Variants in DIP2B observed in about 807,000 individuals in gnomAD.
The protein encoded by DIP2B is DIP2 acetate--CoA ligase B (putative), also known as disco-interacting protein 2 homolog B.
DIP2B carries 76 observed loss-of-function variants against 198.0 expected under a neutral mutation model. The observed-to-expected ratio is 0.38, with a 90% CI of 0.32 to 0.46. The LOEUF (loss-of-function observed/expected upper bound fraction) is 0.46. DIP2B is among the 20% of genes least tolerant of loss of function. The pLI is 0.99. For synonymous variants in DIP2B, 701 were observed against 739.1 expected (o/e 0.95, Z 0.84); for missense variants, 1,559 against 1,978.4 (o/e 0.79, Z 4.02).
At chr12:50,669,832 G>A (rs1938818576) in intron 4 of DIP2B, among the ~76,000 whole-genome samples, 1 of 152,122 alleles carries the variant, frequency 6.6e-6, no homozygotes, top group Admixed American at 6.6e-5. Context: ...CAGTTTTCCA[G>A]CCCCATTGGT....
chr12:50,708,608 C>A, intron 22 of DIP2B, 46 bp downstream of exon 22: 1 of 1,458,870 alleles, frequency 6.9e-7, no homozygotes, highest in Non-Finnish European at 9.4e-7. Context: ...TGGCAGCAAC[C>A]ACTGCCTAAG....
intron 1 of DIP2B, among the ~76,000 whole-genome samples, chr12:50,511,289 C>CTTTTTTTTTTTT (rs1316212138): frequency 5.2e-3 from 109 of 20,850 alleles, no homozygotes; most frequent in Non-Finnish European, 8.3e-3. Context: ...AGTGTGATTT[C>CTTTTTTTTTTTT]TATTTTTTTT....
intron 1 of DIP2B, among the ~76,000 whole-genome samples, chr12:50,577,732 CTT>C (rs1393747312): frequency 2.0e-5 from 3 of 151,530 alleles, no homozygotes; most frequent in Non-Finnish European, 4.4e-5. Context: ...TTATAAATGT[CTT>C]TTCATTAATC....
rs983184301 is a variant in DIP2B, at chr12:50,675,259, T to C, written c.797-70T>C. The C allele has an allele frequency of 1.9e-5, 29 of 1,565,566 alleles. No individual in the cohort carries two copies. In the African/African-American group the frequency reaches 4.0e-4, roughly 21 times the overall value. ...AAACATCCTTAGAAATAAAAGCTCC[T>C]GAGGGAACTGAGGAACTAAAATATC... On this transcript the variant is annotated intron_variant, in intron 6 of 37. Coordinates refer to ENST00000301180, the MANE Select transcript of DIP2B (RefSeq NM_173602.3).
At chr12:50,597,180 C>A (rs536089234) in intron 1 of DIP2B, among the ~76,000 whole-genome samples, 1 of 152,290 alleles carries the variant, frequency 6.6e-6, no homozygotes, top group South Asian at 2.1e-4. Flanking sequence ...TCTTAGAGAA[C>A]TTTCCATGTC....
chr12:50,658,277 C>A (rs1270671529), intron 3 of DIP2B, among the ~76,000 whole-genome samples: 1 of 151,950 alleles, frequency 6.6e-6, no homozygotes, highest in African/African-American at 2.4e-5. Context: ...GCTGGAATTA[C>A]AGGTGCGTGC....
intron 1 of DIP2B, among the ~76,000 whole-genome samples, chr12:50,591,632 T>TC (rs1958819605): frequency 6.6e-6 from 1 of 151,638 alleles, no homozygotes; most frequent in Admixed American, 6.6e-5. Context: ...TTCTTTCTTT[T>TC]TTTTTTTAAT....
At chr12:50,656,243 A>C (rs145614733) in intron 3 of DIP2B, among the ~76,000 whole-genome samples, 301 of 152,316 alleles carry the variant, frequency 2.0e-3, no homozygotes, top group African/African-American at 7.0e-3. Context: ...AATAGCACTG[A>C]GTACCCCTGC....
At chr12:50,682,042 T>G (rs540767203) in intron 9 of DIP2B, among the ~76,000 whole-genome samples, 1 of 152,336 alleles carries the variant, frequency 6.6e-6, no homozygotes, top group African/African-American at 2.4e-5. Context: ...TTTCAAATAT[T>G]AATCTGTGAG....
At chr12:50,610,762 TC>T (rs1390133286) in intron 1 of DIP2B, among the ~76,000 whole-genome samples, 1 of 151,124 alleles carries the variant, frequency 6.6e-6, no homozygotes, top group Non-Finnish European at 1.5e-5. Flanking sequence ...CGCCTCAGCC[TC>T]CCAAAGTGCT....
At chr12:50,539,355 T>G (rs941286247) in intron 1 of DIP2B, among the ~76,000 whole-genome samples, 6 of 151,664 alleles carry the variant, frequency 4.0e-5, no homozygotes, top group Non-Finnish European at 8.8e-5. Flanking sequence ...AGGCCGGGTG[T>G]GGTGTAATAC....
chr12:50,540,345 G>A (rs186187254), intron 1 of DIP2B, among the ~76,000 whole-genome samples: 306 of 151,398 alleles, frequency 2.0e-3, no homozygotes, highest in Non-Finnish European at 1.9e-3. Flanking sequence ...TCCTGACCTC[G>A]TGATCCACGT....
intron 1 of DIP2B, among the ~76,000 whole-genome samples, chr12:50,574,625 A>G (rs1391893650): frequency 6.6e-6 from 1 of 152,224 alleles, no homozygotes; most frequent in Non-Finnish European, 1.5e-5. Flanking sequence ...GGATAGAATG[A>G]TCTAAGTGGC....
intron 1 of DIP2B, among the ~76,000 whole-genome samples, chr12:50,608,854 T>C (rs1187034160): frequency 6.6e-6 from 1 of 152,072 alleles, no homozygotes; most frequent in African/African-American, 2.4e-5. Flanking sequence ...GCAAAAAATA[T>C]TTATTAGCCG....
chr12:50,540,053 GTTTTTTTTTT>G (rs60978324), intron 1 of DIP2B, among the ~76,000 whole-genome samples: 2,176 of 44,212 alleles, frequency 0.049, 32 homozygotes, highest in African/African-American at 0.092. Context: ...TTGTTTCTGT[GTTTTTTTTTT>G]TTTTTTTTTT....
intron 4 of DIP2B, among the ~76,000 whole-genome samples, chr12:50,663,872 TAAAAAAAAAAAAAA>T (rs397934701): frequency 9.5e-6 from 1 of 104,844 alleles, no homozygotes; most frequent in Non-Finnish European, 1.9e-5. Flanking sequence ...CCCATCTCTT[TAAAAAAAAAAAAAA>T]AAAAAAAAGC....
chr12:50,596,855 A>T (rs1201653515), intron 1 of DIP2B, among the ~76,000 whole-genome samples: 1 of 152,162 alleles, frequency 6.6e-6, no homozygotes, highest in Non-Finnish European at 1.5e-5. Context: ...AATAGCTGTC[A>T]CTTGTCTTGG....
chr12:50,529,869 A>C (rs1278298293), intron 1 of DIP2B, among the ~76,000 whole-genome samples: 3 of 152,128 alleles, frequency 2.0e-5, no homozygotes, highest in African/African-American at 7.2e-5. Context: ...AAAAAAAGAA[A>C]AAAGAAAAAA....
chr12:50,707,501 T>C (rs1179269774), intron 21 of DIP2B, among the ~76,000 whole-genome samples: 1 of 152,212 alleles, frequency 6.6e-6, no homozygotes, highest in Non-Finnish European at 1.5e-5. Flanking sequence ...TGCTCTCCGG[T>C]GCCTTCCCAT....
Sources: gnomAD v4.1 joint callset for allele counts (sites outside exome capture counted in the v4.1 genomes callset) on GRCh38, gnomAD v4.1.1 for gene constraint, MANE v1.5 for transcripts, NCBI Gene and HGNC (gene_info 2026-07-23, HGNC 2026-07-21) for gene names.